PTPRN2: variants seen among roughly 807,000 people sequenced by gnomAD.
PTPRN2 encodes protein tyrosine phosphatase receptor type N2.
A neutral mutation model predicts 118.8 loss-of-function variants in PTPRN2; 74 were observed. The observed-to-expected ratio is 0.62, with a 90% CI of 0.52 to 0.76. The LOEUF (loss-of-function observed/expected upper bound fraction) is 0.76, where lower values mean the gene tolerates loss of function less well. PTPRN2 is among the 30% of genes least tolerant of loss of function. The probability of loss-of-function intolerance (pLI) is 0.00; values close to 1 mark genes in which losing one functional copy is unlikely to be tolerated. For synonymous variants in PTPRN2, 641 were observed against 608.0 expected (o/e 1.05, Z -0.80); for missense variants, 1,481 against 1,394.4 (o/e 1.06, Z -0.99).
At chr7:158,270,409 G>A (rs1798232357) in intron 3 of PTPRN2, among the ~76,000 whole-genome samples, 1 of 152,152 alleles carries the variant, frequency 6.6e-6, no homozygotes, top group African/African-American at 2.4e-5. Flanking sequence ...TGTCACTGGT[G>A]ACTGGTCAAC....
At chr7:158,383,091 G>A (rs1184366056) in intron 2 of PTPRN2, among the ~76,000 whole-genome samples, 1 of 152,140 alleles carries the variant, frequency 6.6e-6, no homozygotes, top group Non-Finnish European at 1.5e-5. Context: ...ATGACATGAT[G>A]CCTGGAGAAC....
At chr7:157,573,131 T>C (rs1287626956) in intron 19 of PTPRN2, among the ~76,000 whole-genome samples, 2 of 152,228 alleles carry the variant, frequency 1.3e-5, no homozygotes, top group African/African-American at 2.4e-5. Context: ...ACAGAATGGA[T>C]ACCAGGCCTC....
At chr7:158,265,388 A>G (rs1442794246) in intron 3 of PTPRN2, among the ~76,000 whole-genome samples, 1 of 151,332 alleles carries the variant, frequency 6.6e-6, no homozygotes, top group Non-Finnish European at 1.5e-5. Flanking sequence ...ACTTGCAGGC[A>G]GGCACCCACC....
At chr7:157,589,221 T>C (rs749702947) in intron 17 of PTPRN2, among the ~76,000 whole-genome samples, 2 of 152,202 alleles carry the variant, frequency 1.3e-5, no homozygotes, top group Admixed American at 1.3e-4. Context: ...AGGCTCACGA[T>C]GGCTTCATCG....
At chr7:158,012,641 G>T (rs1312814770) in intron 11 of PTPRN2, among the ~76,000 whole-genome samples, 7 of 152,180 alleles carry the variant, frequency 4.6e-5, no homozygotes, top group African/African-American at 1.7e-4. Flanking sequence ...AAGCAGGCAG[G>T]TCGGGGCTAA....
At position 158,167,175 on chromosome 7, in the gene PTPRN2, G is replaced by A; in HGVS notation, c.666C>T (p.Gly222=). 1 of 1,613,968 alleles carries A rather than the reference G, an allele frequency of 6.2e-7. No homozygotes were observed. The highest frequency in any genetic ancestry group is 8.5e-7 in the Non-Finnish European group (1 of 1,179,990). ...LREDLLPRTL[G]QLQPDELSPK... ...GGCTGAGCTCATCTGGCTGGAGCTG[G>A]CCGAGGGTCCGCGGCAGGAGGTCCT... Residue 222 remains glycine, a synonymous_variant, in exon 6 of 23, where the codon GGC becomes GGT. Coordinates refer to ENST00000389418, the MANE Select transcript of PTPRN2 (RefSeq NM_002847.5).
chr7:158,351,370 A>C (rs1807917113), intron 2 of PTPRN2, among the ~76,000 whole-genome samples: 1 of 151,960 alleles, frequency 6.6e-6, no homozygotes, highest in Non-Finnish European at 1.5e-5. Flanking sequence ...TTGGGTTCCT[A>C]ATTGTTGGGC....
rs1405032675 is a variant in PTPRN2 at position 157,808,354 on chromosome 7, C to T, written c.1788+90319G>A. 5.3e-5 allele frequency among the ~76,000 whole-genome samples: 8 copies of T among 151,946 alleles called. No individual in the cohort carries two copies. The highest frequency in any genetic ancestry group is 1.2e-4 in the African/African-American group (5 of 41,346). On this transcript the variant is annotated intron_variant, in intron 12 of 22. Coordinates refer to ENST00000389418, the MANE Select transcript of PTPRN2 (RefSeq NM_002847.5). The surrounding 1 kb of genome is among the most constrained non-coding windows in gnomAD (Gnocchi z 5.0). ...AGCGGGTGAGTGGCGGGTGAGTGAG[C>T]GAGTGAAACTTTGTCGGTATTTATA... is the stretch of plus-strand genomic sequence containing the variant.
chr7:158,540,110 G>A (rs980309169), intron 1 of PTPRN2, among the ~76,000 whole-genome samples: 1 of 152,182 alleles, frequency 6.6e-6, no homozygotes, highest in Non-Finnish European at 1.5e-5. Flanking sequence ...CTGCTGCAGC[G>A]GGTGCCTGAG....
chr7:157,594,749 T>C (rs10274279), intron 17 of PTPRN2, among the ~76,000 whole-genome samples: 25,257 of 152,158 alleles, frequency 0.17, 2,670 homozygotes, highest in African/African-American at 0.29. Flanking sequence ...TATTTGCTGA[T>C]GTTTGACATT....
intron 2 of PTPRN2, among the ~76,000 whole-genome samples, chr7:158,435,686 CAGAT>C (rs943302830): frequency 1.4e-4 from 21 of 152,254 alleles, no homozygotes; most frequent in African/African-American, 5.1e-4. Context: ...TGTCCATCAA[CAGAT>C]GGATGGATGT....
intron 10 of PTPRN2, among the ~76,000 whole-genome samples, chr7:158,108,066 C>G (rs1451596697): frequency 1.3e-5 from 2 of 151,920 alleles, no homozygotes; most frequent in Non-Finnish European, 2.9e-5. Flanking sequence ...CCCCTTCCTA[C>G]TGCATTCACC....
At chr7:158,203,479 C>T (rs1004506523) in intron 4 of PTPRN2, among the ~76,000 whole-genome samples, 14 of 152,054 alleles carry the variant, frequency 9.2e-5, no homozygotes, top group Non-Finnish European at 1.9e-4. Context: ...ACAATCCAGG[C>T]GCCTCTCCAT....
At chr7:158,572,943 T>C (rs960124197) in intron 1 of PTPRN2, among the ~76,000 whole-genome samples, 3 of 152,256 alleles carry the variant, frequency 2.0e-5, no homozygotes, top group African/African-American at 7.2e-5. Context: ...TTACATTTTA[T>C]TCCAACTAAA....
At position 158,015,445 on chromosome 7, in the gene PTPRN2, G is replaced by A. The variant is rs914336996; in HGVS notation, c.1723+65853C>T. Among the ~76,000 whole-genome samples, 3 of 150,210 alleles carry A rather than the reference G, an allele frequency of 2.0e-5. No individual in the cohort carries two copies. In the Admixed American group the frequency reaches 2.0e-4, roughly 10 times the overall value. ...GGGAGAGAGAGGGAAAAAGTGAGAG[G>A]AGGGGTGGTGAGAGAGAGAGAGAGA... On this transcript the variant is annotated intron_variant, in intron 11 of 22. Transcript: ENST00000389418. This position sits in a 1 kb window ranked among gnomAD's most constrained non-coding sequence, Gnocchi z 4.2.
At chr7:158,061,604 C>T (rs1810346765) in intron 11 of PTPRN2, among the ~76,000 whole-genome samples, 2 of 152,230 alleles carry the variant, frequency 1.3e-5, no homozygotes, top group Non-Finnish European at 1.5e-5. Flanking sequence ...TCCGTGAGCA[C>T]ACTGGCTGTG....
At chr7:157,900,085 C>T (rs1207629229) in intron 11 of PTPRN2, among the ~76,000 whole-genome samples, 1 of 152,220 alleles carries the variant, frequency 6.6e-6, no homozygotes, top group Non-Finnish European at 1.5e-5. Flanking sequence ...CTGGTCACTG[C>T]TGCAGAACGG....
At chr7:157,578,491 C>T (rs1198542544) in intron 17 of PTPRN2, among the ~76,000 whole-genome samples, 2 of 152,224 alleles carry the variant, frequency 1.3e-5, no homozygotes, top group Non-Finnish European at 2.9e-5. Context: ...CCGACACCCT[C>T]ACTTGCTGGT....
chr7:157,731,260 C>G (rs1395963694), intron 12 of PTPRN2, among the ~76,000 whole-genome samples: 2 of 152,146 alleles, frequency 1.3e-5, no homozygotes, highest in African/African-American at 2.4e-5. Context: ...AATCGAGGTG[C>G]CTTCCTGAAG....
Sources: gnomAD v4.1 joint callset for allele counts (sites outside exome capture counted in the v4.1 genomes callset) on GRCh38, gnomAD v4.1.1 for gene constraint, Gnocchi (gnomAD v3.1) non-coding constraint, MANE v1.5 for transcripts, NCBI Gene and HGNC (gene_info 2026-07-23, HGNC 2026-07-21) for gene names.